Variants in PLD1 observed in about 807,000 individuals in gnomAD.
The protein encoded by PLD1 is phospholipase D1, also known as choline phosphatase 1.
Under a neutral mutation model 137.1 loss-of-function variants are expected in PLD1, and 112 were observed. The observed-to-expected ratio is 0.82, with a 90% confidence interval of 0.70 to 0.96. The LOEUF (loss-of-function observed/expected upper bound fraction) is 0.96, where lower values mean the gene tolerates loss of function less well. Among genes scored for constraint, PLD1 ranks in the 40% least tolerant of loss-of-function variants. The probability of loss-of-function intolerance (pLI) is 0.00; values close to 1 mark genes in which losing one functional copy is unlikely to be tolerated. For synonymous variants in PLD1, 431 were observed against 454.7 expected, an observed-to-expected ratio of 0.95 and a Z score of 0.66; for missense variants, 1,321 against 1,342.0, an observed-to-expected ratio of 0.98 and a Z score of 0.24.
At chr3:171,605,857 A>T (rs940271064) in intron 25 of PLD1, among the ~76,000 whole-genome samples, 1 of 152,224 alleles carries the variant, frequency 6.6e-6, no homozygotes, top group African/African-American at 2.4e-5. Flanking sequence ...CACATACTTG[A>T]TAGGCTGAAA....
At chr3:171,808,043 G>A (rs867369589) in intron 1 of PLD1, among the ~76,000 whole-genome samples, 45 of 152,262 alleles carry the variant, frequency 3.0e-4, no homozygotes, top group African/African-American at 1.1e-3. Context: ...TGGATATAGA[G>A]ACGGCAACAA....
chr3:171,764,900 GAAGGAAGGAAGGA>G (rs1721786704), intron 1 of PLD1, among the ~76,000 whole-genome samples: 1 of 24,144 alleles, frequency 4.1e-5, no homozygotes, highest in Non-Finnish European at 8.8e-5. Flanking sequence ...AGAAAGGAAG[GAAGGAAGGAAGGA>G]AAGAAAGAAA....
At chr3:171,648,710 A>G (rs1297206340) in intron 21 of PLD1, among the ~76,000 whole-genome samples, 1 of 152,018 alleles carries the variant, frequency 6.6e-6, no homozygotes, top group East Asian at 1.9e-4. Flanking sequence ...GTCTGCCACC[A>G]CGCCCGGCTA....
intron 1 of PLD1, among the ~76,000 whole-genome samples, chr3:171,781,565 A>G (rs1722797324): frequency 6.6e-6 from 1 of 152,210 alleles, no homozygotes; most frequent in Non-Finnish European, 1.5e-5. Context: ...AATTCGATAA[A>G]AGTGAGCAAA....
At chr3:171,653,057 G>A (rs1440112266) in intron 21 of PLD1, among the ~76,000 whole-genome samples, 1 of 152,114 alleles carries the variant, frequency 6.6e-6, no homozygotes, top group Admixed American at 6.6e-5. Flanking sequence ...CTACAGACAT[G>A]GTTTGAGTCC....
intron 1 of PLD1, among the ~76,000 whole-genome samples, chr3:171,739,357 A>T (rs760890663): frequency 1.3e-5 from 2 of 152,230 alleles, no homozygotes; most frequent in Non-Finnish European, 2.9e-5. Context: ...CTGTGTTTGG[A>T]AATTCAAAAA....
At chr3:171,788,250 C>CTTTTTTTT (rs58878929) in intron 1 of PLD1, among the ~76,000 whole-genome samples, 4 of 110,560 alleles carry the variant, frequency 3.6e-5, no homozygotes, top group Admixed American at 2.2e-4. Flanking sequence ...ATCTGCACTT[C>CTTTTTTTT]TTTTTTTTTT....
At chr3:171,779,626 T>C (rs1390133568) in intron 1 of PLD1, among the ~76,000 whole-genome samples, 1 of 152,090 alleles carries the variant, frequency 6.6e-6, no homozygotes, top group African/African-American at 2.4e-5. Context: ...GGTTTGGATA[T>C]GTAAGTCTGA....
At chr3:171,611,446 G>A (rs1732650501) in intron 25 of PLD1, 6 of 365,664 alleles carry the variant, frequency 1.6e-5, no homozygotes, top group South Asian at 1.3e-4. Flanking sequence ...CAGGGGACGT[G>A]GACAGTTACA....
At chr3:171,742,183 GAAAGA>G (rs2108273260) in intron 1 of PLD1, among the ~76,000 whole-genome samples, 1 of 152,236 alleles carries the variant, frequency 6.6e-6, no homozygotes, top group East Asian at 1.9e-4. Flanking sequence ...GGGGTGGGAG[GAAAGA>G]TGGGCACTGG....
intron 8 of PLD1, among the ~76,000 whole-genome samples, chr3:171,724,419 C>T (rs1433961078): frequency 2.6e-5 from 4 of 152,078 alleles, no homozygotes; most frequent in African/African-American, 9.7e-5. Flanking sequence ...AGCATCTTTT[C>T]GTATACTTAT....
At position 171,710,904 on chromosome 3, in the gene PLD1, C is replaced by T. The variant is rs374416115; in HGVS notation, c.912-1195G>A. On this transcript the variant is annotated intron_variant, in intron 9 of 26. Transcript: ENST00000351298. Reference sequence around the variant, plus strand: ...TTTTTTTTTTTTTGAGACGGAGTTTCGCTCTGTCGCCCAGGCTGGAGTGCA... The same window carrying T: ...TTTTTTTTTTTTTGAGACGGAGTTTTGCTCTGTCGCCCAGGCTGGAGTGCA... Among the ~76,000 whole-genome samples, 66 of 86,734 alleles carry T rather than the reference C, an allele frequency of 7.6e-4. 1 individual carries two copies. In the East Asian group the frequency reaches 0.02, roughly 26 times the overall value. 56.9% of individuals were successfully genotyped at this position (86,734 alleles called of 152,430 possible).
chr3:171,657,144 C>T (rs150117993), intron 21 of PLD1, among the ~76,000 whole-genome samples: 120 of 152,194 alleles, frequency 7.9e-4, no homozygotes, highest in African/African-American at 2.7e-3. Flanking sequence ...AGTTTTTAAT[C>T]CTAAAAATGG....
At chr3:171,765,258 A>G (rs927212369) in intron 1 of PLD1, 2 of 152,224 alleles carry the variant, frequency 1.3e-5, no homozygotes, top group Admixed American at 6.5e-5. Context: ...AGAGCTCAGT[A>G]TCAAGTGTTC....
At chr3:171,797,764 A>G (rs1473956263) in intron 1 of PLD1, among the ~76,000 whole-genome samples, 2 of 152,238 alleles carry the variant, frequency 1.3e-5, no homozygotes, top group African/African-American at 4.8e-5. Flanking sequence ...ATGTGAATGA[A>G]GTTTTCAAAT....
At chr3:171,724,862 T>G in intron 7 of PLD1, 74 bp from the exon 8 acceptor site, 6 of 847,382 alleles carry the variant, frequency 7.1e-6, no homozygotes, top group Non-Finnish European at 1.2e-5. Context: ...CCTCCCAACA[T>G]GGGACTAAAT....
intron 9 of PLD1, 73 bp from the exon 10 acceptor site, chr3:171,709,782 T>C (rs1298461021): frequency 7.6e-7 from 1 of 1,309,296 alleles, no homozygotes; most frequent in African/African-American, 1.5e-5. Context: ...TATTTGGTAA[T>C]ATACCAAACA....
intron 1 of PLD1, among the ~76,000 whole-genome samples, chr3:171,751,793 G>A (rs1477493630): frequency 6.6e-6 from 1 of 152,206 alleles, no homozygotes; most frequent in Non-Finnish European, 1.5e-5. Flanking sequence ...GAGGTCAGGA[G>A]ATCGAGACCA....
At position 171,624,361 on chromosome 3, in the gene PLD1, C is replaced by T. The variant is rs534427354; in HGVS notation, c.2594-3841G>A. On this transcript the variant is annotated intron_variant, in intron 23 of 26. Transcript: ENST00000351298. ...TAAGATTGGCAAAAAATAAAAAGTACGACAACATATTCTGTTAGTGAGAAT... is the reference window on the plus strand; with the variant it reads ...TAAGATTGGCAAAAAATAAAAAGTATGACAACATATTCTGTTAGTGAGAAT... Among the ~76,000 whole-genome samples, 383 of 152,106 alleles carry T rather than the reference C, an allele frequency of 2.5e-3. 5 individuals are homozygous for T. Among genetic ancestry groups the T allele is most frequent in the South Asian group, 0.013 (63 of 4,812 alleles).
Sources: allele counts gnomAD v4.1 joint callset (sites outside exome capture counted in the v4.1 genomes callset), GRCh38; gene constraint gnomAD v4.1.1; transcripts MANE v1.5; gene names NCBI Gene and HGNC (gene_info 2026-07-23, HGNC 2026-07-21).